The following ZC2HC1B variants were observed in gnomAD, a reference collection of about 807,000 sequenced individuals.
ZC2HC1B encodes zinc finger C2HC domain-containing protein 1B.
In ZC2HC1B, 36 loss-of-function variants were observed where a neutral mutation model predicts 31.0. The observed-to-expected ratio is 1.16, with a 90% CI of 0.89 to 1.54. ZC2HC1B has a LOEUF of 1.54. Ranked by LOEUF, ZC2HC1B falls within the 40% of genes most tolerant of loss-of-function variation. The pLI is 0.00. For synonymous variants in ZC2HC1B, 73 were observed against 88.0 expected, an observed-to-expected ratio of 0.83 and a Z score of 0.95; for missense variants, 260 against 268.6, an observed-to-expected ratio of 0.97 and a Z score of 0.22.
chr6:143,876,996 T>C (rs1777414701), intron 1 of ZC2HC1B, among the ~76,000 whole-genome samples: 1 of 150,574 alleles, frequency 6.6e-6, no homozygotes, highest in African/African-American at 2.5e-5. Context: ...CTTTGCATCC[T>C]TCAATTCAGT....
At chr6:143,893,591 G>A (rs878987499) in intron 4 of ZC2HC1B, among the ~76,000 whole-genome samples, 2 of 151,952 alleles carry the variant, frequency 1.3e-5, no homozygotes, top group African/African-American at 4.8e-5. Context: ...AAAGACTGAC[G>A]CTATGAGTGT....
chr6:143,919,389 G>T (rs1777961423), intron 6 of ZC2HC1B, among the ~76,000 whole-genome samples: 1 of 151,350 alleles, frequency 6.6e-6, no homozygotes, highest in Non-Finnish European at 1.5e-5. Context: ...CATATATGTA[G>T]TTTTTTAAAA....
At position 143,915,542 on chromosome 6, in the gene ZC2HC1B, G is replaced by A. The variant is rs1777907110; in HGVS notation, c.598+12390G>A. On this transcript the variant is annotated intron_variant, in intron 6 of 7. Coordinates refer to ENST00000237275, the MANE Select transcript of ZC2HC1B (RefSeq NM_001013623.3). This position sits in a 1 kb window ranked among gnomAD's most constrained non-coding sequence, Gnocchi z 5.2. ...AACAGTTTGGAGGCCTCAGAAAAAG[G>A]CAGGAAAATGTGAGAAAGTTTGGAA... Among the ~76,000 whole-genome samples the A allele has an allele frequency of 6.6e-6, 1 of 152,210 alleles. No individual in the cohort carries two copies. The highest frequency in any genetic ancestry group is 6.5e-5 in the Admixed American group (1 of 15,284).
At position 143,923,089 on chromosome 6, in the gene ZC2HC1B, G is replaced by C. The variant is rs1030234614; in HGVS notation, c.599-14560G>C. On this transcript the variant is annotated intron_variant, in intron 6 of 7. Transcript: ENST00000237275. This position sits in a 1 kb window ranked among gnomAD's most constrained non-coding sequence, Gnocchi z 4.8. ...ATTTTGTCTCATTGCGTCTTGGATT[G>C]GCATTTCCCTGATAATTAATTATGT... Among the ~76,000 whole-genome samples, 7 of 151,918 alleles carry C rather than the reference G, an allele frequency of 4.6e-5. No individual in the cohort carries two copies. Among genetic ancestry groups the C allele is most frequent in the Admixed American group, 6.6e-5 (1 of 15,224 alleles).
Position 143,924,940 on chromosome 6 carries a change from G to A in ZC2HC1B, c.599-12709G>A, listed in dbSNP as rs1778017465. 6.6e-6 allele frequency among the ~76,000 whole-genome samples: 1 copy of A among 152,068 alleles called. No homozygotes were observed. Among genetic ancestry groups the A allele is most frequent in the African/African-American group, 2.4e-5 (1 of 41,408 alleles). ...CTGTGTTCATCAGGGGTATTGGCCTGTAGTTTTCTATTTCCATTATGTCCT... is the reference window on the plus strand; with the variant it reads ...CTGTGTTCATCAGGGGTATTGGCCTATAGTTTTCTATTTCCATTATGTCCT... On this transcript the variant is annotated intron_variant, in intron 6 of 7. Transcript: ENST00000237275. The surrounding 1 kb of genome is among the most constrained non-coding windows in gnomAD (Gnocchi z 5.2).
chr6:143,910,331 G>A (rs1326406212), intron 6 of ZC2HC1B, among the ~76,000 whole-genome samples: 1 of 152,160 alleles, frequency 6.6e-6, no homozygotes, highest in African/African-American at 2.4e-5. Context: ...CTGACAGACT[G>A]GTTGTTATGA....
At chr6:143,891,193 G>A (rs750777816) in intron 4 of ZC2HC1B, among the ~76,000 whole-genome samples, 15 of 151,530 alleles carry the variant, frequency 9.9e-5, no homozygotes, top group Non-Finnish European at 1.8e-4. Context: ...ATATTTAGGG[G>A]TGTATTTAAC....
At chr6:143,902,595 T>C (rs955707705) in intron 5 of ZC2HC1B, among the ~76,000 whole-genome samples, 1 of 152,290 alleles carries the variant, frequency 6.6e-6, no homozygotes, top group Admixed American at 6.5e-5. Flanking sequence ...AGGGGGATGG[T>C]GTAGGGATGT....
intron 6 of ZC2HC1B, among the ~76,000 whole-genome samples, chr6:143,935,647 T>A (rs1778167758): frequency 2.0e-5 from 1 of 50,942 alleles, no homozygotes; most frequent in African/African-American, 1.2e-4. Flanking sequence ...GGTATCACTC[T>A]TTTTTTTTTT....
rs1249946788 is a variant in ZC2HC1B at position 143,924,104 on chromosome 6, T to C, written c.599-13545T>C. Among the ~76,000 whole-genome samples, 1 of 152,174 alleles carries C rather than the reference T, an allele frequency of 6.6e-6. No homozygotes were observed. The highest frequency in any genetic ancestry group is 1.5e-5 in the Non-Finnish European group (1 of 68,006). ...CATGGGATATCTTTCCATTTGTTTG[T>C]GTCCTCTTAACATTCTTTCATCAGT... On this transcript the variant is annotated intron_variant, in intron 6 of 7. Transcript: ENST00000237275. The surrounding 1 kb of genome is among the most constrained non-coding windows in gnomAD (Gnocchi z 5.2).
At chr6:143,875,402 T>C (rs1777394147) in intron 1 of ZC2HC1B, among the ~76,000 whole-genome samples, 1 of 137,740 alleles carries the variant, frequency 7.3e-6, no homozygotes, top group Non-Finnish European at 1.6e-5. Flanking sequence ...CATTTCCAGC[T>C]TGCTCCCAGT....
chr6:143,892,896 A>T (rs556835948), intron 4 of ZC2HC1B, among the ~76,000 whole-genome samples: 2 of 151,660 alleles, frequency 1.3e-5, no homozygotes, highest in Admixed American at 6.6e-5. Flanking sequence ...TCCACTAATA[A>T]TTTTTTTTTA....
At chr6:143,882,690 C>T (rs1434580460) in intron 1 of ZC2HC1B, among the ~76,000 whole-genome samples, 1 of 151,964 alleles carries the variant, frequency 6.6e-6, no homozygotes, top group Non-Finnish European at 1.5e-5. Flanking sequence ...TGACTTCTTC[C>T]CTGGCAATAT....
At chr6:143,877,044 A>G (rs80292251) in intron 1 of ZC2HC1B, among the ~76,000 whole-genome samples, 4,256 of 150,192 alleles carry the variant, frequency 0.028, 253 homozygotes, top group Admixed American at 0.073. Flanking sequence ...CAGGAGGTTT[A>G]TGTCCTTCTT....
rs543678551 is a variant in ZC2HC1B, at chr6:143,917,282, A to T, written c.598+14130A>T. Among the ~76,000 whole-genome samples, 35 of 152,152 alleles carry T rather than the reference A, an allele frequency of 2.3e-4. No individual in the cohort carries two copies. The South Asian group carries it at 5.2e-3, about 23-fold the overall frequency. On this transcript the variant is annotated intron_variant, in intron 6 of 7. Transcript: ENST00000237275. The surrounding 1 kb of genome is among the most constrained non-coding windows in gnomAD (Gnocchi z 4.1). ...CCACATGGAACTGTAAGTCCAATAA[A>T]CCTCTTTCTTTTGTAAATTGCCCAG...
chr6:143,913,656 T>C lies in ZC2HC1B; in HGVS notation c.598+10504T>C, dbSNP rs973568579. On this transcript the variant is annotated intron_variant, in intron 6 of 7. Transcript: ENST00000237275. The surrounding 1 kb of genome is among the most constrained non-coding windows in gnomAD (Gnocchi z 5.7). ...TCTGCCAAGACTCTACCCAGTTCTA[T>C]GTGACAGATCCAAGGCTCTGGTGGC... Among the ~76,000 whole-genome samples the C allele has an allele frequency of 1.3e-5, 2 of 152,228 alleles. No individual in the cohort carries two copies. The highest frequency in any genetic ancestry group is 2.9e-5 in the Non-Finnish European group (2 of 68,040).
rs1777851585 is a variant in ZC2HC1B at position 143,911,230 on chromosome 6, CA to C, written c.598+8079del. Among the ~76,000 whole-genome samples, 1 of 152,074 alleles carries C rather than the reference CA, an allele frequency of 6.6e-6. No individual in the cohort carries two copies. ...TATTGATGGGTCCTGGTTCTTTATC[CA>C]GTTTGCTGCTCTATATCTTTTAATT... On this transcript the variant is annotated intron_variant, in intron 6 of 7. Coordinates refer to ENST00000237275, the MANE Select transcript of ZC2HC1B (RefSeq NM_001013623.3). The surrounding 1 kb of genome is among the most constrained non-coding windows in gnomAD (Gnocchi z 4.5).
intron 1 of ZC2HC1B, among the ~76,000 whole-genome samples, chr6:143,880,267 A>C (rs2128493667): frequency 6.6e-6 from 1 of 152,318 alleles, no homozygotes; most frequent in Non-Finnish European, 1.5e-5. Flanking sequence ...GTATGATTCC[A>C]GATAGAGAGG....
At chr6:143,904,021 T>C (rs1777765952) in intron 6 of ZC2HC1B, among the ~76,000 whole-genome samples, 1 of 152,238 alleles carries the variant, frequency 6.6e-6, no homozygotes, top group African/African-American at 2.4e-5. Flanking sequence ...GGCAGAACCA[T>C]AGGAGCCATC....
Sources: allele counts gnomAD v4.1 joint callset (sites outside exome capture counted in the v4.1 genomes callset), GRCh38; gene constraint gnomAD v4.1.1; non-coding constraint Gnocchi (gnomAD v3.1); transcripts MANE v1.5; gene names NCBI Gene and HGNC (gene_info 2026-07-23, HGNC 2026-07-21).